The following PTPN3 variants were observed in gnomAD, a reference collection of about 807,000 sequenced individuals.
The protein encoded by PTPN3 is tyrosine-protein phosphatase non-receptor type 3.
A neutral mutation model predicts 132.7 loss-of-function variants in PTPN3; 96 were observed. The observed-to-expected ratio is 0.72, with a 90% CI of 0.61 to 0.86. The LOEUF is 0.86. Among genes scored for constraint, PTPN3 ranks in the 40% least tolerant of loss-of-function variants. The pLI, the probability that PTPN3 is intolerant of heterozygous loss-of-function variation, is 0.00. For missense variants in PTPN3, 1,125 were observed against 1,159.6 expected, an observed-to-expected ratio of 0.97 and a Z score of 0.43; for synonymous variants, 398 against 429.0, an observed-to-expected ratio of 0.93 and a Z score of 0.89.
intron 19 of PTPN3, among the ~76,000 whole-genome samples, chr9:109,396,945 C>G (rs1840653964): frequency 6.6e-6 from 1 of 152,228 alleles, no homozygotes; most frequent in South Asian, 2.1e-4. Context: ...CCCCAACTGG[C>G]TCTAACCAGC....
chr9:109,414,412 A>T (rs761023172), intron 14 of PTPN3, among the ~76,000 whole-genome samples: 10 of 152,224 alleles, frequency 6.6e-5, no homozygotes, highest in Non-Finnish European at 1.3e-4. Context: ...GCACGGCGCT[A>T]GAGGAACTCA....
At chr9:109,450,919 C>G (rs1845199624) in intron 5 of PTPN3, 1 of 985,178 alleles carries the variant, frequency 1.0e-6, no homozygotes, top group Admixed American at 6.1e-5. Flanking sequence ...TTCTTTGACT[C>G]TTGAGAGCTA....
At chr9:109,406,424 C>T in intron 18 of PTPN3, 38 bp downstream of exon 18, 1 of 1,602,062 alleles carries the variant, frequency 6.2e-7, no homozygotes, top group Non-Finnish European at 8.5e-7. Context: ...TTGGCTAGGA[C>T]AGCTTCCCTA....
upstream of PTPN3, among the ~76,000 whole-genome samples, chr9:109,500,386 G>C (rs10979894): frequency 0.038 from 5,760 of 152,206 alleles, 171 homozygotes; most frequent in Non-Finnish European, 0.06. Flanking sequence ...CTTTGAGCTA[G>C]GAACATGCTT....
At chr9:109,486,494 G>A (rs1250931931) in intron 1 of PTPN3, among the ~76,000 whole-genome samples, 1 of 152,174 alleles carries the variant, frequency 6.6e-6, no homozygotes, top group Non-Finnish European at 1.5e-5. Flanking sequence ...GTGGTGGACA[G>A]GCTTGTCCAG....
At chr9:109,438,951 C>G (rs1844252584) in intron 7 of PTPN3, among the ~76,000 whole-genome samples, 2 of 152,282 alleles carry the variant, frequency 1.3e-5, no homozygotes, top group South Asian at 4.1e-4. Context: ...ACATTAGGGA[C>G]CTGCAGGTGC....
chr9:109,392,868 T>C (rs1231315350), intron 19 of PTPN3: 3 of 152,242 alleles, frequency 2.0e-5, no homozygotes, highest in African/African-American at 4.8e-5. Context: ...CCTCCCAAAG[T>C]GCTGGGATTA....
chr9:109,457,962 C>A (rs1427177739), intron 2 of PTPN3, among the ~76,000 whole-genome samples: 1 of 152,244 alleles, frequency 6.6e-6, no homozygotes, highest in Non-Finnish European at 1.5e-5. Flanking sequence ...CTTCCCCTTC[C>A]CATCATCTGA....
intron 16 of PTPN3, among the ~76,000 whole-genome samples, chr9:109,409,487 C>G (rs1841895489): frequency 6.6e-6 from 1 of 152,118 alleles, no homozygotes; most frequent in Non-Finnish European, 1.5e-5. Flanking sequence ...AGGCACAGAG[C>G]AGGCACTTGG....
intron 7 of PTPN3, among the ~76,000 whole-genome samples, chr9:109,443,791 G>A (rs1050293688): frequency 6.6e-6 from 1 of 152,164 alleles, no homozygotes. Context: ...AGGCCCATTC[G>A]CCTGTTTTGA....
At chr9:109,509,335 G>T in the PTPN3 span, among the ~76,000 whole-genome samples, 2 of 152,142 alleles carry the variant, frequency 1.3e-5, no homozygotes, top group Non-Finnish European at 2.9e-5. Context: ...ACACTGTAGG[G>T]TAAATGCATT....
At chr9:109,449,383 G>A in intron 5 of PTPN3, 1 of 986,014 alleles carries the variant, frequency 1.0e-6, no homozygotes, top group South Asian at 4.7e-5. Context: ...CTGTGTCCCA[G>A]GAACTGTGGG....
rs1311934539 is a variant in PTPN3 at position 109,383,741 on chromosome 9, G to A, written c.2254-190C>T. On this transcript the variant is annotated intron_variant, in intron 22 of 25. Coordinates refer to ENST00000374541, the MANE Select transcript of PTPN3 (RefSeq NM_002829.4). The stretch of plus-strand genomic sequence containing the variant: ...GTGGGGGCAGCCTGCCAGGGACTAG[G>A]CCACAGGTCTCCGCTCAGCCCCAGG... Among the ~76,000 whole-genome samples the A allele has an allele frequency of 2.0e-5, 3 of 152,262 alleles. No homozygotes were observed. The East Asian group carries it at 5.8e-4, about 29-fold the overall frequency.
In PTPN3 at chr9:109,410,266, C is replaced by A. The variant is rs779797357; in HGVS notation, c.1463G>T (p.Gly488Val). ...GTACTGGCTGGCGTCCTCGGTGGAGCCCCCTTTGGTCACCCTGTGGAAGTC... is the reference window on the plus strand; with the variant it reads ...GTACTGGCTGGCGTCCTCGGTGGAGACCCCTTTGGTCACCCTGTGGAAGTC... ...LDDFHRVTKG[G>V]STEDASQYYC... The change falls in exon 15 of 26, where the codon GGC (glycine) becomes GTC (valine). Residue 488 changes from glycine to valine, a missense_variant. Transcript: ENST00000374541. 2 of 1,613,944 alleles carry A rather than the reference C, an allele frequency of 1.2e-6. No individual in the cohort carries two copies. Among genetic ancestry groups the A allele is most frequent in the South Asian group, 1.1e-5 (1 of 91,068 alleles).
chr9:109,407,456 T>C (rs1196430819), intron 17 of PTPN3, among the ~76,000 whole-genome samples: 2 of 152,178 alleles, frequency 1.3e-5, no homozygotes, highest in African/African-American at 4.8e-5. Flanking sequence ...ACTATATGTA[T>C]AACAAGACAT....
At chr9:109,413,540 C>T (rs550266439) in intron 14 of PTPN3, among the ~76,000 whole-genome samples, 55 of 152,190 alleles carry the variant, frequency 3.6e-4, no homozygotes, top group Admixed American at 5.2e-4. Flanking sequence ...GGCTGAGGAG[C>T]GCAGGGGAGT....
chr9:109,387,019 G>C (rs1438286690), intron 22 of PTPN3, among the ~76,000 whole-genome samples: 1 of 152,200 alleles, frequency 6.6e-6, no homozygotes, highest in East Asian at 1.9e-4. Context: ...GGGAAGTGAA[G>C]AGAAGGGAGG....
chr9:109,387,873 T>C (rs911545177), intron 22 of PTPN3, among the ~76,000 whole-genome samples: 2 of 152,348 alleles, frequency 1.3e-5, no homozygotes, highest in African/African-American at 4.8e-5. Context: ...AAGAAACCCA[T>C]GAGCCTCAAG....
At chr9:109,509,795 C>T in the PTPN3 span, among the ~76,000 whole-genome samples, 1 of 151,652 alleles carries the variant, frequency 6.6e-6, no homozygotes, top group East Asian at 1.9e-4. Context: ...GGAGGTCAGT[C>T]TTTGTAGTTG....
Sources: allele counts gnomAD v4.1 joint callset (sites outside exome capture counted in the v4.1 genomes callset), GRCh38; gene constraint gnomAD v4.1.1; transcripts MANE v1.5; gene names NCBI Gene and HGNC (gene_info 2026-07-23, HGNC 2026-07-21).